Variants in SH3BGRL observed in about 807,000 individuals in gnomAD.
SH3BGRL encodes the protein adapter SH3BGRL.
In SH3BGRL, 7 loss-of-function variants were observed where a neutral mutation model predicts 9.8. The observed-to-expected ratio is 0.72, with a 90% CI of 0.41 to 1.35. The LOEUF (loss-of-function observed/expected upper bound fraction) is 1.35. SH3BGRL is among the 40% of genes most tolerant of loss of function. SH3BGRL has a pLI of 0.01. For missense variants in SH3BGRL, 73 were observed against 84.4 expected (o/e 0.86, Z 0.53); for synonymous variants, 36 against 29.1 (o/e 1.24, Z -0.76).
At chrX:81,208,187 G>T (rs964257069) in intron 1 of SH3BGRL, among the ~76,000 whole-genome samples, 1 of 111,029 alleles carries the variant, frequency 9.0e-6, no homozygotes, top group African/African-American at 3.3e-5. Flanking sequence ...GCCTGAACCC[G>T]GAAGGCAGAG....
chrX:81,293,985 T>C (rs2075866326), intron 3 of SH3BGRL, among the ~76,000 whole-genome samples: 1 of 111,011 alleles, frequency 9.0e-6, no homozygotes, highest in Admixed American at 9.6e-5. Flanking sequence ...TTGAGAAAGG[T>C]GGTTTAGGGT....
intron 1 of SH3BGRL, among the ~76,000 whole-genome samples, chrX:81,253,468 C>T (rs1187941300): frequency 9.0e-6 from 1 of 111,629 alleles, no homozygotes; most frequent in Non-Finnish European, 1.9e-5. Flanking sequence ...AACCTCTCAC[C>T]TTGGCCTCTC....
At chrX:81,274,721 G>A (rs576791672) in intron 1 of SH3BGRL, among the ~76,000 whole-genome samples, 2 of 107,610 alleles carry the variant, frequency 1.9e-5, no homozygotes, top group Non-Finnish European at 3.9e-5. Flanking sequence ...CCCTATCTTG[G>A]AAAAAAAAAA....
chrX:81,268,045 T>G (rs987521594), intron 1 of SH3BGRL, among the ~76,000 whole-genome samples: 1 of 112,113 alleles, frequency 8.9e-6, no homozygotes, highest in Non-Finnish European at 1.9e-5. Flanking sequence ...TGTATTTCTG[T>G]GGGATTGGTG....
At chrX:81,272,067 G>A (rs1400884734) in intron 1 of SH3BGRL, among the ~76,000 whole-genome samples, 1 of 108,875 alleles carries the variant, frequency 9.2e-6, no homozygotes, top group African/African-American at 3.4e-5. Flanking sequence ...CATGGTGGCG[G>A]ATGCCTGTAG....
chrX:81,292,156 T>C (rs987727483), intron 3 of SH3BGRL, among the ~76,000 whole-genome samples: 1 of 112,139 alleles, frequency 8.9e-6, no homozygotes, highest in African/African-American at 3.2e-5. Context: ...CTCTCAGCAC[T>C]GCCCCAGTAG....
chrX:81,237,150 A>G (rs1453659506), intron 1 of SH3BGRL: 2 of 639,340 alleles, frequency 3.1e-6, no homozygotes, highest in South Asian at 2.3e-5. Context: ...GAAATAGAAG[A>G]CTCCACCAAT....
intron 1 of SH3BGRL, among the ~76,000 whole-genome samples, chrX:81,223,858 C>CT (rs951624070): frequency 1.3e-4 from 14 of 110,745 alleles, no homozygotes; most frequent in South Asian, 3.9e-4. Context: ...TTAAAAAAAA[C>CT]TTTTTTTTGT....
At chrX:81,204,544 G>T (rs763049301) in intron 1 of SH3BGRL, among the ~76,000 whole-genome samples, 1 of 111,469 alleles carries the variant, frequency 9.0e-6, no homozygotes, top group African/African-American at 3.3e-5. Flanking sequence ...TCTTTGCTTT[G>T]GATTGGTGGT....
At chrX:81,274,548 C>T (rs553657273) in intron 1 of SH3BGRL, among the ~76,000 whole-genome samples, 11 of 109,377 alleles carry the variant, frequency 1.0e-4, no homozygotes, top group Admixed American at 6.9e-4. Flanking sequence ...GCTGAGATCA[C>T]GCCACTGCAC....
chrX:81,219,989 T>C (rs752702849), intron 1 of SH3BGRL, among the ~76,000 whole-genome samples: 1 of 111,735 alleles, frequency 8.9e-6, no homozygotes, highest in African/African-American at 3.2e-5. Context: ...TGATGAATGA[T>C]CTTTTTAATG....
At chrX:81,217,041 A>G (rs1228437018) in intron 1 of SH3BGRL, among the ~76,000 whole-genome samples, 1 of 110,154 alleles carries the variant, frequency 9.1e-6, no homozygotes, top group Non-Finnish European at 1.9e-5. Flanking sequence ...TAGTGGTTGT[A>G]CTAATTTACC....
chrX:81,248,155 C>A (rs1180214339), intron 1 of SH3BGRL, among the ~76,000 whole-genome samples: 1 of 110,549 alleles, frequency 9.0e-6, no homozygotes, highest in Admixed American at 9.6e-5. Context: ...TGTAATGTCA[C>A]CTTTGTCCTT....
chrX:81,282,459 T>C (rs2075820685), intron 3 of SH3BGRL, among the ~76,000 whole-genome samples: 1 of 111,369 alleles, frequency 9.0e-6, no homozygotes, highest in Non-Finnish European at 1.9e-5. Flanking sequence ...TTTAAGAAAA[T>C]TGATATTATA....
intron 1 of SH3BGRL, among the ~76,000 whole-genome samples, chrX:81,225,822 C>T (rs766812830): frequency 3.6e-5 from 4 of 111,601 alleles, no homozygotes; most frequent in Middle Eastern, 4.7e-3. Context: ...AATCCCAGTC[C>T]TCTGAAAGAA....
intron 1 of SH3BGRL, among the ~76,000 whole-genome samples, chrX:81,226,247 A>G (rs1246417058): frequency 9.1e-6 from 1 of 110,387 alleles, no homozygotes; most frequent in Non-Finnish European, 1.9e-5. Context: ...TCTCCTTGCT[A>G]TTAGAGCACT....
chrX:81,204,475 C>T (rs2075539667), intron 1 of SH3BGRL, among the ~76,000 whole-genome samples: 1 of 111,344 alleles, frequency 9.0e-6, no homozygotes. Flanking sequence ...TACAATTGCA[C>T]ATAGTGAGAT....
intron 1 of SH3BGRL, among the ~76,000 whole-genome samples, chrX:81,212,701 C>G (rs1318560961): frequency 9.0e-6 from 1 of 111,137 alleles, no homozygotes. Flanking sequence ...CTGACTCAAC[C>G]CATGAGTTGA....
chrX:81,243,145 C>T (rs912603857), intron 1 of SH3BGRL, among the ~76,000 whole-genome samples: 24 of 112,150 alleles, frequency 2.1e-4, no homozygotes, highest in Non-Finnish European at 3.4e-4. Context: ...AAGTGTCCAT[C>T]GACAGATGAA....
Sources: gnomAD v4.1 joint callset for allele counts (sites outside exome capture counted in the v4.1 genomes callset) on GRCh38, gnomAD v4.1.1 for gene constraint, MANE v1.5 for transcripts, NCBI Gene and HGNC (gene_info 2026-07-23, HGNC 2026-07-21) for gene names.